CDH12: variants seen among roughly 807,000 people sequenced by gnomAD.
CDH12 encodes cadherin-12.
A neutral mutation model predicts 74.1 loss-of-function variants in CDH12; 41 were observed. That is an observed-to-expected ratio of 0.55 (90% CI 0.43 to 0.72). The LOEUF is 0.72. Ranked by LOEUF, CDH12 falls within the 30% of genes least tolerant of loss-of-function variation. The probability of loss-of-function intolerance (pLI) is 0.00; values close to 1 mark genes in which losing one functional copy is unlikely to be tolerated. For synonymous variants in CDH12, 399 were observed against 355.0 expected, an observed-to-expected ratio of 1.12 and a Z score of -1.39; for missense variants, 945 against 977.2, an observed-to-expected ratio of 0.97 and a Z score of 0.44.
chr5:21,815,662 C>G (rs2149943431), intron 9 of CDH12, among the ~76,000 whole-genome samples: 1 of 152,284 alleles, frequency 6.6e-6, no homozygotes, highest in South Asian at 2.1e-4. Flanking sequence ...TTCTTTTTCA[C>G]TTTCTTCCTT....
At chr5:21,927,157 G>T (rs1257506165) in intron 6 of CDH12, among the ~76,000 whole-genome samples, 1 of 152,110 alleles carries the variant, frequency 6.6e-6, no homozygotes, top group Admixed American at 6.5e-5. Context: ...CAGGGCTGGT[G>T]TATTATCAAG....
intron 5 of CDH12, among the ~76,000 whole-genome samples, chr5:22,020,486 G>A (rs1209754653): frequency 7.2e-5 from 11 of 151,734 alleles, no homozygotes; most frequent in South Asian, 4.2e-4. Context: ...CCCAGGAGGC[G>A]GGGGTTGCAG....
chr5:21,803,608 G>A (rs904069081), intron 9 of CDH12, among the ~76,000 whole-genome samples: 1 of 152,108 alleles, frequency 6.6e-6, no homozygotes, highest in African/African-American at 2.4e-5. Flanking sequence ...TGCTGCTGTG[G>A]TGCTTTGTTT....
intron 1 of CDH12, among the ~76,000 whole-genome samples, chr5:22,735,446 A>AG (rs1267029661): frequency 3.3e-5 from 5 of 151,912 alleles, no homozygotes; most frequent in African/African-American, 1.2e-4. Flanking sequence ...ATAAATTTAT[A>AG]GGGAAAATGT....
chr5:22,808,548 T>A (rs1373216918), intron 1 of CDH12, among the ~76,000 whole-genome samples: 1 of 152,054 alleles, frequency 6.6e-6, no homozygotes, highest in Middle Eastern at 3.4e-3. Context: ...CAGCCTGCAA[T>A]TTAACTATTT....
chr5:22,760,630 G>A (rs1306541651), intron 1 of CDH12, among the ~76,000 whole-genome samples: 2 of 116,834 alleles, frequency 1.7e-5, no homozygotes, highest in Admixed American at 1.3e-4. Context: ...AGTGAGCTGA[G>A]ATCATGTCAT....
intron 1 of CDH12, among the ~76,000 whole-genome samples, chr5:22,552,451 C>A (rs1341360797): frequency 1.4e-5 from 2 of 147,672 alleles, no homozygotes; most frequent in Non-Finnish European, 3.0e-5. Flanking sequence ...TTTTTTTAGA[C>A]AGATTTTCAC....
intron 10 of CDH12, among the ~76,000 whole-genome samples, chr5:21,786,396 C>T (rs1424006010): frequency 6.6e-6 from 1 of 152,140 alleles, no homozygotes. Flanking sequence ...TCGTGAGTAG[C>T]CCACCTGTAC....
chr5:22,056,706 T>C (rs1740765769), intron 5 of CDH12, among the ~76,000 whole-genome samples: 1 of 152,178 alleles, frequency 6.6e-6, no homozygotes, highest in Non-Finnish European at 1.5e-5. Flanking sequence ...GGATTGAAGG[T>C]AGTACAGCAA....
chr5:22,363,181 G>T (rs915449490), intron 3 of CDH12, among the ~76,000 whole-genome samples: 1 of 151,896 alleles, frequency 6.6e-6, no homozygotes, highest in Non-Finnish European at 1.5e-5. Flanking sequence ...AGAAAAATTG[G>T]TAACTAAAGT....
chr5:22,427,281 A>C (rs1166588559), intron 2 of CDH12, among the ~76,000 whole-genome samples: 1 of 151,858 alleles, frequency 6.6e-6, no homozygotes, highest in Non-Finnish European at 1.5e-5. Context: ...TATTCTCCTG[A>C]CTCAGCCTCT....
chr5:22,284,318 T>G (rs1737044304), intron 3 of CDH12, among the ~76,000 whole-genome samples: 1 of 152,166 alleles, frequency 6.6e-6, no homozygotes, highest in African/African-American at 2.4e-5. Flanking sequence ...TTATCTCAGT[T>G]TCTTTAGGTC....
intron 14 of CDH12, among the ~76,000 whole-genome samples, chr5:21,754,847 G>A (rs1325339581): frequency 6.6e-6 from 1 of 152,148 alleles, no homozygotes; most frequent in South Asian, 2.1e-4. Flanking sequence ...ATCTGGCAGT[G>A]AATTAATAAA....
At chr5:22,785,901 C>T (rs560221804) in intron 1 of CDH12, among the ~76,000 whole-genome samples, 11 of 152,188 alleles carry the variant, frequency 7.2e-5, no homozygotes, top group South Asian at 4.2e-4. Flanking sequence ...TTGGAAAAGA[C>T]GTGGCAATTC....
chr5:22,376,683 ATTTTTTTTTTTTTTTT>A (rs34256665), intron 3 of CDH12, among the ~76,000 whole-genome samples: 1 of 117,226 alleles, frequency 8.5e-6, no homozygotes, highest in Admixed American at 9.2e-5. Flanking sequence ...TGGTTGACTA[ATTTTTTTTTTTTTTTT>A]TTTTTTAGAG....
chr5:22,528,028 C>T (rs150606278), intron 1 of CDH12, among the ~76,000 whole-genome samples: 142 of 152,200 alleles, frequency 9.3e-4, no homozygotes, highest in African/African-American at 3.4e-3. Context: ...AACTAGAAAA[C>T]TCAAGCAGTT....
intron 6 of CDH12, among the ~76,000 whole-genome samples, chr5:21,953,041 T>C (rs1755934916): frequency 6.6e-6 from 1 of 151,910 alleles, no homozygotes; most frequent in African/African-American, 2.4e-5. Flanking sequence ...GCAGCCATGC[T>C]TCCCCTTTCT....
intron 3 of CDH12, among the ~76,000 whole-genome samples, chr5:22,402,740 C>T (rs371464314): frequency 4.6e-5 from 7 of 152,068 alleles, no homozygotes; most frequent in East Asian, 1.9e-4. Flanking sequence ...AAAGGTATGG[C>T]TGAACAAACT....
chr5:22,609,819 T>C (rs775891658), intron 1 of CDH12, among the ~76,000 whole-genome samples: 3 of 152,250 alleles, frequency 2.0e-5, no homozygotes, highest in Non-Finnish European at 2.9e-5. Context: ...TTTTTGATTG[T>C]TGTTTATTCC....
Sources: gnomAD v4.1 joint callset for allele counts (sites outside exome capture counted in the v4.1 genomes callset) on GRCh38, gnomAD v4.1.1 for gene constraint, MANE v1.5 for transcripts, NCBI Gene and HGNC (gene_info 2026-07-23, HGNC 2026-07-21) for gene names.